Variants in RASGRF2 observed in about 807,000 individuals in gnomAD.
RASGRF2 encodes the protein ras-specific guanine nucleotide-releasing factor 2.
Under a neutral mutation model 151.0 loss-of-function variants are expected in RASGRF2, and 76 were observed. The observed-to-expected ratio is 0.50, with a 90% CI of 0.42 to 0.61. The LOEUF is 0.61. RASGRF2 is among the 20% of genes least tolerant of loss of function. The pLI is 0.00. For missense variants in RASGRF2, 1,148 were observed against 1,564.6 expected (o/e 0.73, Z 4.49); for synonymous variants, 504 against 566.5 (o/e 0.89, Z 1.57).
At chr5:81,082,564 A>G (rs1269985776) in intron 7 of RASGRF2, among the ~76,000 whole-genome samples, 1 of 152,228 alleles carries the variant, frequency 6.6e-6, no homozygotes, top group East Asian at 1.9e-4. Context: ...AGCTCTAGTT[A>G]TCTCCAGACT....
At position 81,229,689 on chromosome 5, in the gene RASGRF2, A is replaced by G. The variant is rs1359644012; in HGVS notation, c.*3919A>G. On this transcript the variant is annotated 3_prime_UTR_variant, in exon 27 of 27. Transcript: ENST00000265080. ...TACACAGCTCATTTCATTTTTCACT[A>G]GAAAGCCAGTTATGAAAGAGAGCTG... 6.6e-6 allele frequency: 1 copy of G among 152,224 alleles called. No individual in the cohort carries two copies. The highest frequency in any genetic ancestry group is 2.1e-4 in the South Asian group (1 of 4,832). 9.4% of individuals were successfully genotyped at this position (152,224 alleles called of 1,614,324 possible). A position where few individuals can be genotyped will look rare whatever the true frequency, so the allele number is the denominator to read the frequency against.
chr5:81,082,809 C>G (rs1402174485), intron 7 of RASGRF2, among the ~76,000 whole-genome samples: 1 of 152,186 alleles, frequency 6.6e-6, no homozygotes, highest in African/African-American at 2.4e-5. Context: ...GAAGAAGCCT[C>G]AAAGAGTTGA....
intron 2 of RASGRF2, among the ~76,000 whole-genome samples, chr5:81,064,034 G>A (rs1477204097): frequency 1.3e-5 from 2 of 152,170 alleles, no homozygotes; most frequent in South Asian, 4.1e-4. Flanking sequence ...CACAGTTTCT[G>A]TGGGTCAGGA....
Position 81,136,925 on chromosome 5 carries a change from C to T in RASGRF2, c.2686+9762C>T, listed in dbSNP as rs537327001. Among the ~76,000 whole-genome samples, 837 of 102,442 alleles carry T rather than the reference C, an allele frequency of 8.2e-3. 6 individuals are homozygous for T. Among genetic ancestry groups the T allele is most frequent in the Non-Finnish European group, 0.015 (600 of 40,786 alleles). 67.2% of individuals were successfully genotyped at this position (102,442 alleles called of 152,430 possible). Reference sequence around the variant, plus strand: ...ATCAGATAAAGACATTCTTCATTTCCGTGTCTGTGTTTTTTTATGTCTAGC... The same window carrying T: ...ATCAGATAAAGACATTCTTCATTTCTGTGTCTGTGTTTTTTTATGTCTAGC... On this transcript the variant is annotated intron_variant, in intron 17 of 26. Coordinates refer to ENST00000265080, the MANE Select transcript of RASGRF2 (RefSeq NM_006909.3).
chr5:81,101,048 G>A (rs1413940952), intron 12 of RASGRF2, among the ~76,000 whole-genome samples: 1 of 152,052 alleles, frequency 6.6e-6, no homozygotes, highest in Admixed American at 6.5e-5. Context: ...GTGAACATAC[G>A]TACTCCCAGA....
intron 1 of RASGRF2, among the ~76,000 whole-genome samples, chr5:80,992,236 A>G (rs1748678101): frequency 6.6e-6 from 1 of 152,038 alleles, no homozygotes; most frequent in Non-Finnish European, 1.5e-5. Context: ...AGAGACCAAG[A>G]CTCTCAGTAA....
intron 17 of RASGRF2, among the ~76,000 whole-genome samples, chr5:81,175,796 G>A (rs1483365026): frequency 6.6e-6 from 1 of 151,380 alleles, no homozygotes; most frequent in Non-Finnish European, 1.5e-5. Flanking sequence ...AATATCTACT[G>A]GGCAAAGCAA....
At chr5:81,003,491 G>A (rs1310460922) in intron 1 of RASGRF2, among the ~76,000 whole-genome samples, 2 of 152,076 alleles carry the variant, frequency 1.3e-5, no homozygotes, top group Admixed American at 6.6e-5. Context: ...CCAAAGTGCT[G>A]GGATTACAGG....
intron 1 of RASGRF2, among the ~76,000 whole-genome samples, chr5:80,974,205 G>A (rs1352953328): frequency 6.6e-6 from 1 of 152,174 alleles, no homozygotes; most frequent in African/African-American, 2.4e-5. Context: ...TCGATCAGCA[G>A]CCATGATTTG....
chr5:81,109,596 G>A (rs540821804), intron 13 of RASGRF2, among the ~76,000 whole-genome samples: 285 of 152,236 alleles, frequency 1.9e-3, no homozygotes, highest in Non-Finnish European at 3.1e-3. Context: ...AACCCAGGAG[G>A]CAGAGGTTGC....
At chr5:81,196,757 A>ATC (rs1755275435) in intron 18 of RASGRF2, among the ~76,000 whole-genome samples, 1 of 152,144 alleles carries the variant, frequency 6.6e-6, no homozygotes, top group Non-Finnish European at 1.5e-5. Context: ...CATTTATGAT[A>ATC]ATCAGATTAT....
chr5:81,195,574 CT>C (rs11346643), intron 18 of RASGRF2, among the ~76,000 whole-genome samples: 65,603 of 140,870 alleles, frequency 0.47, 14,895 homozygotes, highest in Middle Eastern at 0.57. Context: ...TTTTTGTGAC[CT>C]TTTTTTTTTT....
intron 17 of RASGRF2, among the ~76,000 whole-genome samples, chr5:81,167,569 T>C (rs1437558321): frequency 6.6e-6 from 1 of 152,204 alleles, no homozygotes. Context: ...GTGATAGTGG[T>C]GTTCTCCTCG....
chr5:80,982,220 G>T (rs1335341699), intron 1 of RASGRF2, among the ~76,000 whole-genome samples: 1 of 152,128 alleles, frequency 6.6e-6, no homozygotes, highest in Admixed American at 6.6e-5. Context: ...CTCTACTCAG[G>T]CCTATGAAAG....
At chr5:81,038,633 T>C (rs759326495) in intron 1 of RASGRF2, among the ~76,000 whole-genome samples, 23 of 139,896 alleles carry the variant, frequency 1.6e-4, no homozygotes, top group Non-Finnish European at 3.2e-4. Context: ...TGAAGTGCAG[T>C]GGTGGGACCA....
At chr5:80,998,751 A>T (rs1369629885) in intron 1 of RASGRF2, among the ~76,000 whole-genome samples, 1 of 152,168 alleles carries the variant, frequency 6.6e-6, no homozygotes, top group Non-Finnish European at 1.5e-5. Flanking sequence ...AAGTTGCATC[A>T]GCAGACAGCC....
chr5:80,986,405 G>A (rs149917984), intron 1 of RASGRF2, among the ~76,000 whole-genome samples: 2 of 152,166 alleles, frequency 1.3e-5, no homozygotes, highest in East Asian at 3.8e-4. Context: ...GTATCTGTCT[G>A]TCTTTTATTC....
chr5:81,180,153 G>A (rs759325284), intron 17 of RASGRF2, 22 bp from the exon 18 acceptor site: 2 of 1,424,012 alleles, frequency 1.4e-6, no homozygotes, highest in Admixed American at 1.7e-5. Context: ...TGCAACACGT[G>A]TGTGTTTCTT....
At chr5:80,992,629 T>G (rs932145339) in intron 1 of RASGRF2, among the ~76,000 whole-genome samples, 1 of 152,208 alleles carries the variant, frequency 6.6e-6, no homozygotes. Flanking sequence ...GCTTGTTTAT[T>G]GTTTTAATGG....
Sources: allele counts gnomAD v4.1 joint callset (sites outside exome capture counted in the v4.1 genomes callset), GRCh38; gene constraint gnomAD v4.1.1; transcripts MANE v1.5; gene names NCBI Gene and HGNC (gene_info 2026-07-23, HGNC 2026-07-21).